Variants in TCF4 observed in about 807,000 individuals in gnomAD.
The protein encoded by TCF4 is transcription factor 4, also known as SL3-3 enhancer factor 2.
TCF4 carries 3 observed loss-of-function variants against 82.1 expected under a neutral mutation model. That is an observed-to-expected ratio of 0.04 (90% CI 0.02 to 0.09). The LOEUF is 0.09. Among genes scored for constraint, TCF4 ranks in the 10% least tolerant of loss-of-function variants. TCF4 has a pLI of 1.00. For synonymous variants in TCF4, 276 were observed against 309.6 expected (o/e 0.89, Z 1.14); for missense variants, 518 against 852.7 (o/e 0.61, Z 4.89).
intron 8 of TCF4, among the ~76,000 whole-genome samples, chr18:55,319,514 C>T (rs955660672): frequency 6.6e-6 from 1 of 152,108 alleles, no homozygotes; most frequent in Non-Finnish European, 1.5e-5. Context: ...TTCCAAATGG[C>T]TATTTTTTTT....
At chr18:55,362,096 G>A (rs536396466) in intron 6 of TCF4, among the ~76,000 whole-genome samples, 25 of 152,046 alleles carry the variant, frequency 1.6e-4, no homozygotes, top group Admixed American at 6.6e-4. Flanking sequence ...CCTCCCAACT[G>A]TCTTCTCCTG....
intron 8 of TCF4, among the ~76,000 whole-genome samples, chr18:55,294,213 T>G (rs2065902627): frequency 6.6e-6 from 1 of 151,272 alleles, no homozygotes; most frequent in Non-Finnish European, 1.5e-5. Context: ...TGAGCCGTGA[T>G]CGCGCCACTG....
intron 3 of TCF4, among the ~76,000 whole-genome samples, chr18:55,529,843 T>C (rs1217832278): frequency 6.6e-6 from 1 of 152,100 alleles, no homozygotes; most frequent in Non-Finnish European, 1.5e-5. Context: ...ATCTAGAACA[T>C]TACAAAGCCC....
chr18:55,443,852 G>A (rs999837546), intron 5 of TCF4, among the ~76,000 whole-genome samples: 1 of 152,182 alleles, frequency 6.6e-6, no homozygotes, highest in African/African-American at 2.4e-5. Context: ...AAAAATTACT[G>A]AGTGTTGATG....
At chr18:55,243,946 T>A (rs1353713288) in intron 15 of TCF4, among the ~76,000 whole-genome samples, 1 of 152,194 alleles carries the variant, frequency 6.6e-6, no homozygotes, top group African/African-American at 2.4e-5. Flanking sequence ...ATCATAACAT[T>A]GCTCAATGCT....
At chr18:55,362,397 G>GGAAGGAAGGAAGGAAGGAAA (rs2085569745) in intron 6 of TCF4, among the ~76,000 whole-genome samples, 3 of 90,638 alleles carry the variant, frequency 3.3e-5, no homozygotes, top group Non-Finnish European at 7.0e-5. Context: ...AAGGAAAGAA[G>GGAAGGAAGGAAGGAAGGAAA]GAAGGAAGGA....
intron 10 of TCF4, among the ~76,000 whole-genome samples, chr18:55,273,421 A>G (rs776637916): frequency 6.6e-6 from 1 of 152,170 alleles, no homozygotes; most frequent in Non-Finnish European, 1.5e-5. Flanking sequence ...CTAAGAATAA[A>G]ATTATAAGGA....
At chr18:55,288,947 ATG>A (rs1467641122) in intron 8 of TCF4, among the ~76,000 whole-genome samples, 3 of 152,234 alleles carry the variant, frequency 2.0e-5, no homozygotes, top group African/African-American at 4.8e-5. Context: ...AGTCTTGTCT[ATG>A]TGTACTAGCC....
intron 6 of TCF4, among the ~76,000 whole-genome samples, chr18:55,374,122 C>T (rs2090095597): frequency 6.6e-6 from 1 of 151,720 alleles, no homozygotes; most frequent in Non-Finnish European, 1.5e-5. Flanking sequence ...ATAGTGATAG[C>T]TGTATATAAG....
chr18:55,228,396 T>C (rs1241600219), intron 18 of TCF4, 35 bp from the exon 19 acceptor site: 4 of 1,611,446 alleles, frequency 2.5e-6, no homozygotes, highest in Admixed American at 1.7e-5. Flanking sequence ...CTTTGTTTAA[T>C]GCTGAGGCTT....
chr18:55,446,601 A>T (rs1251468458), intron 5 of TCF4, among the ~76,000 whole-genome samples: 1 of 152,170 alleles, frequency 6.6e-6, no homozygotes, highest in Non-Finnish European at 1.5e-5. Context: ...TGGTAATGAC[A>T]ATGTCTAACA....
rs921263039 is a variant in TCF4, at chr18:55,224,805, T to C, written c.*3230A>G. ...AAATTTCTAGATGAACAGATCCCTA[T>C]TCTGCATATTCATAAATTACTTGAA... On this transcript the variant is annotated 3_prime_UTR_variant, in exon 20 of 20. Coordinates refer to ENST00000354452, the MANE Select transcript of TCF4 (RefSeq NM_001083962.2). The C allele has an allele frequency of 1.3e-5, 2 of 152,590 alleles. No homozygotes were observed. Among genetic ancestry groups the C allele is most frequent in the Non-Finnish European group, 2.9e-5 (2 of 68,008 alleles). The allele number at this position is 152,590 out of a possible 1,614,324, so 9.5% of individuals were successfully genotyped here.
intron 15 of TCF4, among the ~76,000 whole-genome samples, chr18:55,247,766 T>C (rs1942266): frequency 0.013 from 2,025 of 152,252 alleles, 42 homozygotes; most frequent in African/African-American, 0.047. Context: ...TGATGTTTCG[T>C]CTAGAGGGAA....
chr18:55,229,229 GT>G, intron 17 of TCF4, 153 bp from the exon 18 acceptor site: 1 of 810,840 alleles, frequency 1.2e-6, no homozygotes, highest in Non-Finnish European at 2.1e-6. Flanking sequence ...CTTGGGATTG[GT>G]TTAGATGGCT....
chr18:55,531,728 T>A (rs1049364062), intron 3 of TCF4, among the ~76,000 whole-genome samples: 3 of 152,230 alleles, frequency 2.0e-5, no homozygotes, highest in Admixed American at 2.0e-4. Context: ...CAATAAAGCC[T>A]AGAAAAGTTA....
intron 2 of TCF4, among the ~76,000 whole-genome samples, chr18:55,609,864 A>G (rs2097705519): frequency 6.6e-6 from 1 of 152,024 alleles, no homozygotes; most frequent in Non-Finnish European, 1.5e-5. Context: ...CTTCCCAGAG[A>G]GGCTTCCCTA....
intron 3 of TCF4, chr18:55,510,457 C>T (rs1057387852): frequency 6.0e-6 from 4 of 664,284 alleles, no homozygotes; most frequent in Non-Finnish European, 6.7e-6. Flanking sequence ...AACCTAGAAG[C>T]CTTTGTAAAA....
intron 5 of TCF4, among the ~76,000 whole-genome samples, chr18:55,416,892 T>C (rs1279727253): frequency 6.6e-6 from 1 of 152,220 alleles, no homozygotes; most frequent in East Asian, 1.9e-4. Context: ...GAATCAACTG[T>C]GTGTCTCTTC....
intron 11 of TCF4, chr18:55,268,297 C>T (rs567911492): frequency 6.6e-6 from 1 of 152,106 alleles, no homozygotes; most frequent in African/African-American, 2.4e-5. Flanking sequence ...TTCTTTATAA[C>T]CAGACCTCAT....
Sources: gnomAD v4.1 joint callset for allele counts (sites outside exome capture counted in the v4.1 genomes callset) on GRCh38, gnomAD v4.1.1 for gene constraint, MANE v1.5 for transcripts, NCBI Gene and HGNC (gene_info 2026-07-23, HGNC 2026-07-21) for gene names.